ZNF180: variants seen among roughly 807,000 people sequenced by gnomAD.
The protein encoded by ZNF180 is zinc finger protein 180 (HHZ168).
Under a neutral mutation model 11.8 loss-of-function variants are expected in ZNF180, and 11 were observed. The observed-to-expected ratio is 0.93, with a 90% CI of 0.59 to 1.55. ZNF180 has a LOEUF of 1.55. Among genes scored for constraint, ZNF180 ranks in the 40% most tolerant of loss-of-function variants. ZNF180 has a pLI of 0.00. For missense variants in ZNF180, 773 were observed against 781.7 expected (o/e 0.99, Z 0.13); for synonymous variants, 287 against 257.7 (o/e 1.11, Z -1.09).
Position 44,484,427 on chromosome 19 carries a change from G to A in ZNF180, c.60C>T (p.Phe20=), listed in dbSNP as rs763122917. 1.2e-5 allele frequency: 20 copies of A among 1,613,742 alleles called. No individual in the cohort carries two copies. Among genetic ancestry groups the A allele is most frequent in the Non-Finnish European group, 1.6e-5 (19 of 1,179,628 alleles). Residue 20 remains phenylalanine (F), a synonymous_variant, in exon 3 of 5, where the codon TTC becomes TTT. Transcript: ENST00000592529. ...CTTTGATGATAATCTCTTGAGGAAG[G>A]AAAGAATCCTGAAAAGGCAAAACAG... is the stretch of plus-strand genomic sequence containing the variant. ...EPPKVCAQDS[F]LPQEIIIKVE... is the part of the protein sequence containing the mutation.
At chr19:44,489,841 AGAGAT>A (rs1191597597) in intron 2 of ZNF180, among the ~76,000 whole-genome samples, 10 of 111,216 alleles carry the variant, frequency 9.0e-5, no homozygotes, top group Non-Finnish European at 1.8e-4. Flanking sequence ...AAAGAAGAGA[AGAGAT>A]GAGAAGAGAA....
At chr19:44,487,699 T>C (rs775381459) in intron 2 of ZNF180, among the ~76,000 whole-genome samples, 6 of 152,156 alleles carry the variant, frequency 3.9e-5, no homozygotes, top group Non-Finnish European at 7.3e-5. Context: ...TAGCCATTCC[T>C]TATTCTTTTA....
rs1447916447 is a variant in ZNF180 at position 44,477,933 on chromosome 19, G to A, written c.467C>T (p.Ala156Val). ...LQEVAFTQRK[A>V]VIHERVCKSD... ...TTTGCAGACTCTCTCATGAATAACT[G>A]CTTTCCTTTGAGTGAATGCCACTTC... Residue 156 changes from alanine to valine, a missense_variant, in exon 5 of 5, where the codon GCA becomes GTA. Ala to Val is a moderately conservative substitution (Grantham distance 64). Transcript: ENST00000592529. 6.2e-7 allele frequency: 1 copy of A among 1,613,966 alleles called. No individual in the cohort carries two copies. Among genetic ancestry groups the A allele is most frequent in the Non-Finnish European group, 8.5e-7 (1 of 1,179,970 alleles).
rs773517717 is a variant in ZNF180 at position 44,476,766 on chromosome 19, G to T, written c.1634C>A (p.Thr545Asn). Residue 545 changes from threonine to asparagine, a missense_variant, in exon 5 of 5, where the codon ACT becomes AAT. Physicochemically the swap from Thr to Asn is moderately conservative, Grantham distance 65. Transcript: ENST00000592529. ...ATTACATTCATACGGTTTTTCCCCAGTGTGAATTCTCTGATGCATAACAAG... is the reference window on the plus strand; with the variant it reads ...ATTACATTCATACGGTTTTTCCCCATTGTGAATTCTCTGATGCATAACAAG... ...SHLVMHQRIH[T>N]GEKPYECNQC... 6.2e-6 allele frequency: 10 copies of T among 1,614,148 alleles called. No individual in the cohort carries two copies. In the South Asian group the frequency reaches 9.9e-5, roughly 16 times the overall value.
chr19:44,482,980 T>C (rs987053653), intron 3 of ZNF180, among the ~76,000 whole-genome samples: 10 of 152,260 alleles, frequency 6.6e-5, no homozygotes, highest in African/African-American at 2.4e-4. Context: ...GAAGCTGCTC[T>C]TCATCAGCTC....
chr19:44,477,003 T>C lies in ZNF180; in HGVS notation c.1397A>G (p.Tyr466Cys). The change falls in exon 5 of 5, where the codon TAT (tyrosine) becomes TGT (cysteine). Residue 466 changes from tyrosine (Y) to cysteine (C), a missense_variant. Transcript: ENST00000592529. ...HQRIHTGEKP[Y>C]ECNQCGKSFS... Reference sequence around the variant, plus strand: ...GGATTTCCCACACTGATTGCATTCATAGGGTTTTTCCCCAGTATGAATTCT... The same window carrying C: ...GGATTTCCCACACTGATTGCATTCACAGGGTTTTTCCCCAGTATGAATTCT... 3 of 1,613,912 alleles carry C rather than the reference T, an allele frequency of 1.9e-6. No homozygotes were observed. The highest frequency in any genetic ancestry group is 2.5e-6 in the Non-Finnish European group (3 of 1,179,970).
intron 2 of ZNF180, among the ~76,000 whole-genome samples, chr19:44,488,249 C>A (rs1212110720): frequency 7.6e-6 from 1 of 132,244 alleles, no homozygotes; most frequent in Non-Finnish European, 1.6e-5. Flanking sequence ...TTTCCACGGT[C>A]TCCCTCTCCC....
In ZNF180 at chr19:44,478,019, T is replaced by C. The variant is rs1969978120; in HGVS notation, c.381A>G (p.Glu127=). The stretch of plus-strand genomic sequence containing the variant: ...CCAACTGGTCTTTACAATCATCCAC[T>C]TCTTCACATGAAGATAACCAAGGAT... ...RDDPWLSSCE[E]VDDCKDQLEK... The change falls in exon 5 of 5, where the codon GAA becomes GAG. Residue 127 remains glutamate (E), a synonymous_variant. Coordinates refer to ENST00000592529, the MANE Select transcript of ZNF180 (RefSeq NM_001278509.3). 1.2e-6 allele frequency: 2 copies of C among 1,614,100 alleles called. No individual in the cohort carries two copies. The highest frequency in any genetic ancestry group is 3.3e-5 in the Admixed American group (2 of 60,028).
intron 2 of ZNF180, among the ~76,000 whole-genome samples, chr19:44,488,269 A>C (rs1970299980): frequency 4.3e-5 from 6 of 139,728 alleles, no homozygotes; most frequent in Admixed American, 7.3e-5. Flanking sequence ...CTCTCTTTCC[A>C]CGGTCTCCCT....
intron 3 of ZNF180, among the ~76,000 whole-genome samples, chr19:44,481,715 T>C (rs773708866): frequency 1.3e-5 from 2 of 152,244 alleles, no homozygotes; most frequent in Non-Finnish European, 2.9e-5. Flanking sequence ...ATAGTGTTTA[T>C]ATATAGTAGA....
At chr19:44,484,270 G>A (rs1970162429) in intron 3 of ZNF180, 91 bp downstream of exon 3, 4 of 1,042,224 alleles carry the variant, frequency 3.8e-6, no homozygotes, top group Non-Finnish European at 6.0e-6. Flanking sequence ...AGTGCTGGCA[G>A]CCACCGCGCC....
chr19:44,500,350 GAA>G lies in ZNF180; in HGVS notation c.-121_-120del. ...GCCTAGCACGGCTCTGCGGCAGGACGAACTCGGGTTAGGCAACCCCCTGCCCC... is the reference window on the plus strand; with the variant it reads ...GCCTAGCACGGCTCTGCGGCAGGACGCTCGGGTTAGGCAACCCCCTGCCCC... On this transcript the variant is annotated 5_prime_UTR_variant, in exon 1 of 5. Coordinates refer to ENST00000592529, the MANE Select transcript of ZNF180 (RefSeq NM_001278509.3). 7.0e-7 allele frequency: 1 copy of G among 1,438,790 alleles called. No homozygotes were observed. Among genetic ancestry groups the G allele is most frequent in the Non-Finnish European group, 9.7e-7 (1 of 1,032,914 alleles). The allele number at this position is 1,438,790 out of a possible 1,614,324, so 89.1% of individuals were successfully genotyped here. A position where few individuals can be genotyped will look rare whatever the true frequency, so the allele number is the denominator to read the frequency against.
chr19:44,485,604 C>T (rs569350430), intron 2 of ZNF180, among the ~76,000 whole-genome samples: 2 of 152,304 alleles, frequency 1.3e-5, no homozygotes, highest in East Asian at 1.9e-4. Flanking sequence ...GCTCTGGCAG[C>T]CCACTGGCCA....
Position 44,477,351 on chromosome 19 carries a change from C to A in ZNF180, c.1049G>T (p.Gly350Val). 1 of 1,613,956 alleles carries A rather than the reference C, an allele frequency of 6.2e-7. No individual in the cohort carries two copies. Among genetic ancestry groups the A allele is most frequent in the Non-Finnish European group, 8.5e-7 (1 of 1,179,978 alleles). The change falls in exon 5 of 5, where the codon GGG (glycine) becomes GTG (valine). Residue 350 changes from glycine to valine, a missense_variant. Transcript: ENST00000592529. Reference protein sequence around the residue: ...HLVAHQRTHTGEKPYECSECG... With the variant: ...HLVAHQRTHTVEKPYECSECG... Reference sequence around the variant, plus strand: ...TTCACTACATTCATAAGGTTTCTCCCCTGTGTGAGTTCTCTGATGTGCAAC... The same window carrying A: ...TTCACTACATTCATAAGGTTTCTCCACTGTGTGAGTTCTCTGATGTGCAAC...
chr19:44,499,115 C>A (rs1046992208), intron 1 of ZNF180, among the ~76,000 whole-genome samples: 2 of 152,344 alleles, frequency 1.3e-5, no homozygotes, highest in Middle Eastern at 3.4e-3. Context: ...CAGGACACTA[C>A]AACAACTAAA....
Position 44,495,826 on chromosome 19 carries a change from G to A in ZNF180, c.51+1458C>T, listed in dbSNP as rs1406522502. Among the ~76,000 whole-genome samples the A allele has an allele frequency of 6.6e-6, 1 of 152,146 alleles. No homozygotes were observed. Among genetic ancestry groups the A allele is most frequent in the African/African-American group, 2.4e-5 (1 of 41,424 alleles). On this transcript the variant is annotated intron_variant, in intron 2 of 4. Transcript: ENST00000592529. This position sits in a 1 kb window ranked among gnomAD's most constrained non-coding sequence, Gnocchi z 4.5. ...TGCAGATGCACTCCTCACCCTGCTT[G>A]GTCACTGACACCCTGCACATGGACA... is the stretch of plus-strand genomic sequence containing the variant.
intron 2 of ZNF180, among the ~76,000 whole-genome samples, chr19:44,493,406 GC>G (rs1479449955): frequency 3.3e-5 from 5 of 152,182 alleles, no homozygotes; most frequent in Admixed American, 3.3e-4. Context: ...TGGACTCGTG[GC>G]CTTCGTTCAA....
chr19:44,475,380 T>A lies in ZNF180; in HGVS notation c.*1022A>T, dbSNP rs11882639. ...GTTCCTTAATATTGCTTTGCATATA[T>A]GAAAATAAGCCCACTTGCCCTCTAT... On this transcript the variant is annotated 3_prime_UTR_variant, in exon 5 of 5. Coordinates refer to ENST00000592529, the MANE Select transcript of ZNF180 (RefSeq NM_001278509.3). 2.0e-5 allele frequency: 3 copies of A among 149,868 alleles called. No individual in the cohort carries two copies. In the East Asian group the frequency reaches 5.8e-4, roughly 29 times the overall value. The allele number at this position is 149,868 out of a possible 1,614,324, so 9.3% of individuals were successfully genotyped here.
chr19:44,477,275 A>T lies in ZNF180; in HGVS notation c.1125T>A (p.Thr375=). The T allele has an allele frequency of 6.2e-7, 1 of 1,613,554 alleles. No homozygotes were observed. ...RSSHLVSHQR[T]HTGEKPYRCN... ...ACCTGTAAGGTTTCTCTCCAGTATG[A>T]GTTCTCTGATGGGAAACAAGGTGCG... Residue 375 remains threonine, a synonymous_variant, in exon 5 of 5, where the codon ACT becomes ACA. Coordinates refer to ENST00000592529, the MANE Select transcript of ZNF180 (RefSeq NM_001278509.3).
Sources: gnomAD v4.1 joint callset for allele counts (sites outside exome capture counted in the v4.1 genomes callset) on GRCh38, gnomAD v4.1.1 for gene constraint, Gnocchi (gnomAD v3.1) non-coding constraint, MANE v1.5 for transcripts, NCBI Gene and HGNC (gene_info 2026-07-23, HGNC 2026-07-21) for gene names.